Variants in SCAPER observed in about 807,000 individuals in gnomAD.
The protein encoded by SCAPER is S phase cyclin A-associated protein in the endoplasmic reticulum.
In SCAPER, 98 loss-of-function variants were observed where a neutral mutation model predicts 182.2. That is an observed-to-expected ratio of 0.54 (90% CI 0.46 to 0.64). The LOEUF (loss-of-function observed/expected upper bound fraction) is 0.64, where lower values mean the gene tolerates loss of function less well. Among genes scored for constraint, SCAPER ranks in the 30% least tolerant of loss-of-function variants. The pLI, the probability that SCAPER is intolerant of heterozygous loss-of-function variation, is 0.00. For missense variants in SCAPER, 1,432 were observed against 1,690.0 expected (o/e 0.85, Z 2.68); for synonymous variants, 605 against 564.6 (o/e 1.07, Z -1.01).
At chr15:76,883,405 C>T (rs532484341) in intron 2 of SCAPER, among the ~76,000 whole-genome samples, 1 of 152,328 alleles carries the variant, frequency 6.6e-6, no homozygotes, top group African/African-American at 2.4e-5. Context: ...TCACATCGGT[C>T]CCCATACCAG....
chr15:76,710,376 T>C (rs1164222493), intron 17 of SCAPER, among the ~76,000 whole-genome samples: 2 of 152,148 alleles, frequency 1.3e-5, no homozygotes, highest in Non-Finnish European at 2.9e-5. Context: ...GATGAGTTTA[T>C]AAGGACTTAA....
chr15:76,862,575 G>GTACCA, intron 2 of SCAPER, 42 bp from the exon 3 acceptor site: 1 of 1,211,496 alleles, frequency 8.3e-7, no homozygotes, highest in Non-Finnish European at 1.2e-6. Context: ...TATTAGATAA[G>GTACCA]TCAAAATATA....
chr15:76,526,856 GT>G (rs570754649), intron 23 of SCAPER, among the ~76,000 whole-genome samples: 353 of 146,378 alleles, frequency 2.4e-3, no homozygotes, highest in African/African-American at 6.8e-3. Flanking sequence ...TTTTCAAATA[GT>G]TTTTTTTTTT....
chr15:76,494,966 A>C (rs1176914426), intron 24 of SCAPER, among the ~76,000 whole-genome samples: 4 of 152,308 alleles, frequency 2.6e-5, no homozygotes, highest in East Asian at 3.9e-4. Context: ...ATGGAGGGTA[A>C]ATCATTCAGT....
chr15:76,785,995 T>G (rs2064567066), intron 8 of SCAPER, among the ~76,000 whole-genome samples: 1 of 152,120 alleles, frequency 6.6e-6, no homozygotes, highest in African/African-American at 2.4e-5. Flanking sequence ...CTGCATGTTG[T>G]GCACATGTAC....
At chr15:76,476,998 A>C (rs184367796) in intron 24 of SCAPER, among the ~76,000 whole-genome samples, 7 of 152,300 alleles carry the variant, frequency 4.6e-5, no homozygotes, top group Admixed American at 4.6e-4. Flanking sequence ...TGATTTAAAT[A>C]GAAAGGAAAT....
intron 26 of SCAPER, among the ~76,000 whole-genome samples, chr15:76,420,297 C>T (rs2045940225): frequency 7.0e-6 from 1 of 142,686 alleles, no homozygotes; most frequent in Non-Finnish European, 1.5e-5. Context: ...GTCTCAAACT[C>T]CTGGGCTCAA....
At chr15:76,484,031 G>C (rs1013480021) in intron 24 of SCAPER, among the ~76,000 whole-genome samples, 9 of 152,122 alleles carry the variant, frequency 5.9e-5, no homozygotes, top group Non-Finnish European at 2.9e-5. Context: ...CTACACAAAA[G>C]ACTGCACGAG....
intron 1 of SCAPER, among the ~76,000 whole-genome samples, chr15:76,887,252 T>C (rs1023836910): frequency 6.6e-6 from 1 of 152,050 alleles, no homozygotes; most frequent in African/African-American, 2.4e-5. Flanking sequence ...AGAAGACAGG[T>C]GATTTCTGCG....
chr15:76,357,188 A>ACACACC lies in SCAPER; in HGVS notation c.3856-3049_3856-3048insGGTGTG, dbSNP rs774672151. Among the ~76,000 whole-genome samples the ACACACC allele has an allele frequency of 1.5e-3, 221 of 149,180 alleles. 1 individual carries two copies. The highest frequency in any genetic ancestry group is 4.6e-3 in the African/African-American group (186 of 40,280). ...CACACACACACACACACACACACAC[A>ACACACC]CCCCTATGGCCACTCACCTACCTCG... On this transcript the variant is annotated intron_variant, in intron 29 of 31. Coordinates refer to ENST00000563290, the MANE Select transcript of SCAPER (RefSeq NM_020843.4).
At chr15:76,512,460 A>C (rs2042121653) in intron 23 of SCAPER, among the ~76,000 whole-genome samples, 1 of 151,766 alleles carries the variant, frequency 6.6e-6, no homozygotes, top group South Asian at 2.1e-4. Flanking sequence ...CTCTCAACTC[A>C]AAAACAGGGC....
At chr15:76,362,098 G>A (rs993876015) in intron 29 of SCAPER, among the ~76,000 whole-genome samples, 11 of 151,558 alleles carry the variant, frequency 7.3e-5, no homozygotes, top group African/African-American at 2.7e-4. Context: ...TCAGCCTCTC[G>A]AGTAGCTGGG....
chr15:76,379,546 CCTG>C (rs2042796667), intron 28 of SCAPER, among the ~76,000 whole-genome samples: 1 of 151,952 alleles, frequency 6.6e-6, no homozygotes. Flanking sequence ...TGGTTTTATT[CCTG>C]CTGTTTTCGG....
chr15:76,468,461 A>C (rs993256978), intron 25 of SCAPER, among the ~76,000 whole-genome samples: 4 of 152,136 alleles, frequency 2.6e-5, no homozygotes, highest in African/African-American at 9.7e-5. Flanking sequence ...AAGAAACCTT[A>C]GGTTACAACG....
At chr15:76,820,625 A>T (rs2067465156) in intron 5 of SCAPER, among the ~76,000 whole-genome samples, 3 of 151,590 alleles carry the variant, frequency 2.0e-5, no homozygotes, top group Admixed American at 2.0e-4. Context: ...GCATCAGGAG[A>T]TACACCTAAT....
intron 8 of SCAPER, among the ~76,000 whole-genome samples, chr15:76,780,194 G>A (rs985996322): frequency 1.7e-4 from 26 of 152,242 alleles, no homozygotes; most frequent in African/African-American, 6.3e-4. Context: ...CTTTTCCCAT[G>A]GTCTTAGCAA....
intron 29 of SCAPER, among the ~76,000 whole-genome samples, chr15:76,357,759 A>C (rs929506023): frequency 1.3e-5 from 2 of 152,208 alleles, no homozygotes; most frequent in African/African-American, 4.8e-5. Context: ...ATAAAATACT[A>C]CTCAGCCATA....
At chr15:76,688,641 T>G (rs1412612795) in intron 20 of SCAPER, among the ~76,000 whole-genome samples, 3 of 152,142 alleles carry the variant, frequency 2.0e-5, no homozygotes, top group African/African-American at 7.2e-5. Flanking sequence ...CTTTCAATTT[T>G]CTGCATATGG....
chr15:76,398,482 C>T (rs956624669), intron 27 of SCAPER, among the ~76,000 whole-genome samples: 1 of 152,200 alleles, frequency 6.6e-6, no homozygotes, highest in Admixed American at 6.5e-5. Context: ...GCAAGTGCTA[C>T]ATAAATATTT....
Sources: allele counts gnomAD v4.1 joint callset (sites outside exome capture counted in the v4.1 genomes callset), GRCh38; gene constraint gnomAD v4.1.1; transcripts MANE v1.5; gene names NCBI Gene and HGNC (gene_info 2026-07-23, HGNC 2026-07-21).